Variants in PARP8 observed in about 807,000 individuals in gnomAD.
The protein encoded by PARP8 is protein mono-ADP-ribosyltransferase PARP8.
A neutral mutation model predicts 124.1 loss-of-function variants in PARP8; 51 were observed. That is an observed-to-expected ratio of 0.41 (90% CI 0.33 to 0.52). PARP8 has a LOEUF of 0.52. Among genes scored for constraint, PARP8 ranks in the 20% least tolerant of loss-of-function variants. The probability of loss-of-function intolerance (pLI) is 0.21; values close to 1 mark genes in which losing one functional copy is unlikely to be tolerated. For synonymous variants in PARP8, 391 were observed against 361.5 expected, an observed-to-expected ratio of 1.08 and a Z score of -0.93; for missense variants, 860 against 1,018.9, an observed-to-expected ratio of 0.84 and a Z score of 2.12.
chr5:50,829,754 C>T, intron 21 of PARP8, 138 bp from the exon 22 acceptor site: 1 of 764,770 alleles, frequency 1.3e-6, no homozygotes, highest in Non-Finnish European at 1.9e-6. Context: ...GTACTGTTTT[C>T]AAATTAGACC....
At chr5:50,817,509 G>C (rs1173457491) in intron 15 of PARP8, among the ~76,000 whole-genome samples, 1 of 152,128 alleles carries the variant, frequency 6.6e-6, no homozygotes, top group Non-Finnish European at 1.5e-5. Flanking sequence ...TGCTCTGGGG[G>C]CTGCAAAGAC....
At chr5:50,760,416 T>G (rs777326067) in intron 5 of PARP8, 54 bp downstream of exon 5, 1 of 1,271,830 alleles carries the variant, frequency 7.9e-7, no homozygotes, top group Non-Finnish European at 1.0e-6. Context: ...TATTTAAAAT[T>G]TACTGGGTTT....
intron 14 of PARP8, among the ~76,000 whole-genome samples, chr5:50,812,697 G>A (rs1274276277): frequency 1.3e-5 from 2 of 150,758 alleles, no homozygotes; most frequent in Non-Finnish European, 3.0e-5. Flanking sequence ...GTATTGCCTA[G>A]GTTTTCTTCT....
chr5:50,794,914 G>T lies in PARP8; in HGVS notation c.925G>T (p.Asp309Tyr), dbSNP rs1208453590. The change falls in exon 12 of 26, where the codon GAC becomes TAC. Residue 309 changes from aspartate (D) to tyrosine (Y), a missense_variant. This residue lies in a region of PARP8 where 517 missense variants were observed against 544.2 expected (regional missense o/e 0.95). Transcript: ENST00000281631. ...CAAATCCAAACTGAAATCTGAGCAG[G>T]ACGGAATCTCCAAAACGCATAAGCT... Reference protein sequence around the residue: ...KSKSKLKSEQDGISKTHKLLR... With the variant: ...KSKSKLKSEQYGISKTHKLLR... 6.2e-7 allele frequency: 1 copy of T among 1,614,198 alleles called. No individual in the cohort carries two copies. The highest frequency in any genetic ancestry group is 1.7e-5 in the Admixed American group (1 of 60,026).
At chr5:50,722,607 C>CA (rs1246551397) in intron 2 of PARP8, among the ~76,000 whole-genome samples, 1 of 152,024 alleles carries the variant, frequency 6.6e-6, no homozygotes, top group Non-Finnish European at 1.5e-5. Context: ...AGAATTGTTC[C>CA]AAAAAACTAT....
At chr5:50,727,112 AC>A (rs1400161022) in intron 2 of PARP8, among the ~76,000 whole-genome samples, 1 of 152,152 alleles carries the variant, frequency 6.6e-6, no homozygotes, top group African/African-American at 2.4e-5. Context: ...TTTGTGAGGG[AC>A]AGGGCATAGC....
intron 8 of PARP8, 150 bp downstream of exon 8, chr5:50,778,279 T>A: frequency 1.5e-6 from 1 of 674,870 alleles, no homozygotes; most frequent in South Asian, 2.3e-5. Flanking sequence ...CTGTGACTTG[T>A]CAAAGAAGCA....
chr5:50,746,560 A>T (rs76427558), intron 2 of PARP8, among the ~76,000 whole-genome samples: 3 of 152,190 alleles, frequency 2.0e-5, no homozygotes, highest in Non-Finnish European at 4.4e-5. Context: ...GTAAAAAAAA[A>T]TACTACTGTG....
At chr5:50,829,770 A>G in intron 21 of PARP8, 122 bp from the exon 22 acceptor site, 1 of 937,986 alleles carries the variant, frequency 1.1e-6, no homozygotes, top group Non-Finnish European at 1.5e-6. Context: ...AGACCTTGGA[A>G]TAGAAGCTCT....
intron 23 of PARP8, chr5:50,833,310 A>G (rs1034205484): frequency 2.8e-6 from 1 of 350,974 alleles, no homozygotes; most frequent in Non-Finnish European, 5.6e-6. Context: ...AGAAGGTGAC[A>G]TTTGAGTCAA....
chr5:50,740,234 A>ACTGCT (rs1356207649), intron 2 of PARP8, among the ~76,000 whole-genome samples: 1 of 152,162 alleles, frequency 6.6e-6, no homozygotes. Flanking sequence ...AAACTGTGTA[A>ACTGCT]CTGCTCCGTA....
At chr5:50,827,915 T>C (rs1746522954) in intron 19 of PARP8, 29 bp from the exon 20 acceptor site, 1 of 1,477,068 alleles carries the variant, frequency 6.8e-7, no homozygotes, top group Admixed American at 1.7e-5. Context: ...GTTTTACATG[T>C]TTTTGTTTGT....
chr5:50,695,768 C>T (rs1383030541), intron 2 of PARP8, among the ~76,000 whole-genome samples: 1 of 152,114 alleles, frequency 6.6e-6, no homozygotes, highest in Non-Finnish European at 1.5e-5. Context: ...ATTTGATTTA[C>T]ATTTGGATAT....
At chr5:50,817,637 A>G (rs1321372537) in intron 15 of PARP8, among the ~76,000 whole-genome samples, 1 of 152,178 alleles carries the variant, frequency 6.6e-6, no homozygotes, top group African/African-American at 2.4e-5. Flanking sequence ...TTATTTGTTT[A>G]GATATTGGGC....
chr5:50,676,129 G>A (rs1439201728), intron 2 of PARP8, among the ~76,000 whole-genome samples: 1 of 152,198 alleles, frequency 6.6e-6, no homozygotes, highest in Admixed American at 6.5e-5. Flanking sequence ...AGTATTTGGG[G>A]TTTTTCAGAC....
At chr5:50,696,042 T>G (rs1752989536) in intron 2 of PARP8, among the ~76,000 whole-genome samples, 1 of 152,144 alleles carries the variant, frequency 6.6e-6, no homozygotes, top group South Asian at 2.1e-4. Context: ...AAAACATAAT[T>G]TAATGCTTAT....
At chr5:50,810,587 T>C (rs1561413965) in intron 14 of PARP8, among the ~76,000 whole-genome samples, 4 of 152,066 alleles carry the variant, frequency 2.6e-5, no homozygotes, top group African/African-American at 4.8e-5. Flanking sequence ...TTGAATAAGA[T>C]GTTCCTTCTG....
intron 23 of PARP8, chr5:50,833,354 C>A: frequency 4.6e-6 from 2 of 437,670 alleles, no homozygotes; most frequent in Non-Finnish European, 9.1e-6. Flanking sequence ...AGCCATGTGA[C>A]TCTCTAGGAG....
At chr5:50,747,803 C>G (rs186840999) in intron 2 of PARP8, among the ~76,000 whole-genome samples, 1 of 113,492 alleles carries the variant, frequency 8.8e-6, no homozygotes, top group Non-Finnish European at 1.7e-5. Flanking sequence ...GACGGAGTCT[C>G]GCTCTGTCGC....
Sources: gnomAD v4.1 joint callset for allele counts (sites outside exome capture counted in the v4.1 genomes callset) on GRCh38, gnomAD v4.1.1 for gene constraint, gnomAD v4.1.1 regional missense constraint, MANE v1.5 for transcripts, NCBI Gene and HGNC (gene_info 2026-07-23, HGNC 2026-07-21) for gene names.